Variants in SHROOM2 observed in about 807,000 individuals in gnomAD.
SHROOM2 encodes protein Shroom2.
Under a neutral mutation model 75.9 loss-of-function variants are expected in SHROOM2, and 33 were observed. The observed-to-expected ratio is 0.43, with a 90% CI of 0.33 to 0.58. The LOEUF (loss-of-function observed/expected upper bound fraction) is 0.58, where lower values mean the gene tolerates loss of function less well. SHROOM2 is among the 20% of genes least tolerant of loss of function. The pLI, the probability that SHROOM2 is intolerant of heterozygous loss-of-function variation, is 0.04. For missense variants in SHROOM2, 1,434 were observed against 1,461.2 expected (o/e 0.98, Z 0.30); for synonymous variants, 655 against 663.6 (o/e 0.99, Z 0.20).
intron 1 of SHROOM2, among the ~76,000 whole-genome samples, chrX:9,821,703 A>G (rs2083853928): frequency 8.9e-6 from 1 of 112,161 alleles, no homozygotes. Flanking sequence ...ATCCATTGGT[A>G]TCAAATATCT....
intron 4 of SHROOM2, among the ~76,000 whole-genome samples, chrX:9,897,680 C>CAAAAAAAAAAAAAAAAAAAAAAA (rs56026461): frequency 9.9e-5 from 7 of 70,574 alleles, no homozygotes; most frequent in African/African-American, 4.2e-4. Flanking sequence ...GACCCTGTCT[C>CAAAAAAAAAAAAAAAAAAAAAAA]AAAAAAAAAA....
At chrX:9,792,866 CG>C (rs1472018791) in intron 1 of SHROOM2, among the ~76,000 whole-genome samples, 1 of 109,992 alleles carries the variant, frequency 9.1e-6, no homozygotes, top group East Asian at 2.9e-4. Context: ...CACACCACCA[CG>C]CCCTGCTAAT....
rs1361487061 is a variant in SHROOM2, at chrX:9,932,391, C to T, written c.3108C>T (p.Ser1036=). The T allele has an allele frequency of 8.3e-7, 1 of 1,208,497 alleles. No individual in the cohort carries two copies. Among genetic ancestry groups the T allele is most frequent in the Admixed American group, 2.2e-5 (1 of 45,731 alleles). Residue 1036 remains serine, a synonymous_variant, in exon 6 of 10, where the codon AGC becomes AGT. Coordinates refer to ENST00000380913, the MANE Select transcript of SHROOM2 (RefSeq NM_001649.4). ...CAGACTTGGGACCCCGAGCCCAGAG[C>T]CCTGGCTCACCCCTGCATGCTCGAG... The part of the protein sequence containing the change: ...TPADLGPRAQ[S]PGSPLHARGQ...
intron 1 of SHROOM2, among the ~76,000 whole-genome samples, chrX:9,846,486 G>A (rs755300926): frequency 1.2e-4 from 13 of 111,055 alleles, no homozygotes; most frequent in Non-Finnish European, 1.3e-4. Flanking sequence ...TAGTAGAGAC[G>A]GCGTTTCACC....
In SHROOM2 at chrX:9,895,535, G is replaced by T; in HGVS notation, c.1627G>T (p.Glu543Ter). 8.4e-7 allele frequency: 1 copy of T among 1,190,924 alleles called. No homozygotes were observed. Among genetic ancestry groups the T allele is most frequent in the South Asian group, 1.8e-5 (1 of 54,525 alleles). The change falls in exon 4 of 10, where the codon GAG becomes TAG. Residue 543 changes from glutamate to a stop codon, truncating the protein, a stop_gained. Transcript: ENST00000380913. LOFTEE classifies it high-confidence loss of function. ...GTGTTACCCGCTGGACAAAGGGGCC[G>T]AGGGCTGCTCCGCGGGAGCCCAGGA... Reference protein sequence around the residue: ...GRCYPLDKGAEGCSAGAQEPP... With the variant: ...GRCYPLDKGA
intron 1 of SHROOM2, among the ~76,000 whole-genome samples, chrX:9,872,748 A>G (rs187124609): frequency 1.1e-3 from 121 of 111,775 alleles, no homozygotes; most frequent in Non-Finnish European, 1.7e-3. Flanking sequence ...TAGCAAGGAT[A>G]TGGAGAAATT....
chrX:9,910,709 C>T (rs749777910), intron 5 of SHROOM2, among the ~76,000 whole-genome samples: 43 of 109,499 alleles, frequency 3.9e-4, no homozygotes, highest in South Asian at 2.0e-3. Context: ...CTCAGCTACT[C>T]GGGAGGCTGA....
chrX:9,855,321 A>AAAAG (rs57702482), intron 1 of SHROOM2, among the ~76,000 whole-genome samples: 6 of 105,452 alleles, frequency 5.7e-5, no homozygotes, highest in Non-Finnish European at 9.8e-5. Context: ...AAAAAAAAAA[A>AAAAG]GGCATCCTAT....
At chrX:9,826,305 C>T (rs2083887338) in intron 1 of SHROOM2, among the ~76,000 whole-genome samples, 1 of 112,466 alleles carries the variant, frequency 8.9e-6, no homozygotes, top group Non-Finnish European at 1.9e-5. Flanking sequence ...CGCCTCACTG[C>T]TGGGCTCGGA....
intron 5 of SHROOM2, among the ~76,000 whole-genome samples, chrX:9,915,361 A>C (rs2084480944): frequency 9.0e-6 from 1 of 111,024 alleles, no homozygotes; most frequent in Non-Finnish European, 1.9e-5. Flanking sequence ...TATATGAGAC[A>C]CACGCACAGG....
chrX:9,866,294 C>T (rs1032446152), intron 1 of SHROOM2, among the ~76,000 whole-genome samples: 1 of 109,252 alleles, frequency 9.2e-6, no homozygotes, highest in African/African-American at 3.3e-5. Flanking sequence ...ATTAAGCAGA[C>T]TGAGAGGTGA....
At chrX:9,847,447 A>T (rs993062783) in intron 1 of SHROOM2, among the ~76,000 whole-genome samples, 1 of 112,292 alleles carries the variant, frequency 8.9e-6, no homozygotes, top group African/African-American at 3.2e-5. Context: ...ATGGCTGGAA[A>T]ATGTCAACAT....
At position 9,890,964 on chromosome X, in the gene SHROOM2, C is replaced by A; in HGVS notation, c.318-13C>A. ...AGTCCCTGACCCCCCGCCTCCCCTG[C>A]GTTCTTTTCTAGGAGGAGCGAGCTG... On this transcript the variant is annotated splice_polypyrimidine_tract_variant and intron_variant, in intron 2 of 9. Transcript: ENST00000380913. 8.4e-7 allele frequency: 1 copy of A among 1,196,518 alleles called. No homozygotes were observed. The highest frequency in any genetic ancestry group is 1.8e-5 in the South Asian group (1 of 54,104).
At position 9,895,496 on chromosome X, in the gene SHROOM2, C is replaced by T. The variant is rs768453469; in HGVS notation, c.1588C>T (p.Arg530Cys). The T allele has an allele frequency of 5.8e-6, 7 of 1,206,095 alleles. No homozygotes were observed. The highest frequency in any genetic ancestry group is 3.0e-5 in the East Asian group (1 of 33,441). ...LPQPEGPPDARETGRCYPLDK... is the reference protein window; with the variant it reads ...LPQPEGPPDACETGRCYPLDK... ...TCAGCCTGAGGGTCCTCCGGATGCC[C>T]GCGAGACAGGACGGTGTTACCCGCT... The change falls in exon 4 of 10, where the codon CGC becomes TGC. Residue 530 changes from arginine to cysteine, a missense_variant. Arg to Cys is a radical substitution (Grantham distance 180, BLOSUM62 -3). Transcript: ENST00000380913.
At position 9,896,322 on chromosome X, in the gene SHROOM2, G is replaced by C; in HGVS notation, c.2414G>C (p.Ser805Thr). Residue 805 changes from serine to threonine, a missense_variant, in exon 4 of 10, where the codon AGC (serine) becomes ACC (threonine). Ser to Thr is a moderately conservative substitution (Grantham distance 58). Transcript: ENST00000380913. ...ADRWKFFEET[S>T]KPVPQRPAQK... is the part of the protein sequence containing the mutation. Reference sequence around the variant, plus strand: ...AGGTGGAAGTTTTTTGAGGAAACGAGCAAACCTGTTCCCCAGAGGCCTGCC... The same window carrying C: ...AGGTGGAAGTTTTTTGAGGAAACGACCAAACCTGTTCCCCAGAGGCCTGCC... 2 of 1,212,128 alleles carry C rather than the reference G, an allele frequency of 1.6e-6. No homozygotes were observed. Among genetic ancestry groups the C allele is most frequent in the Non-Finnish European group, 2.2e-6 (2 of 895,546 alleles).
intron 1 of SHROOM2, among the ~76,000 whole-genome samples, chrX:9,844,602 C>T (rs1199719965): frequency 6.3e-5 from 7 of 111,193 alleles, no homozygotes; most frequent in Admixed American, 9.6e-5. Flanking sequence ...CACCTGAGGT[C>T]AGGAGTTCGA....
chrX:9,816,242 G>GT (rs1410941561), intron 1 of SHROOM2, among the ~76,000 whole-genome samples: 4 of 112,368 alleles, frequency 3.6e-5, no homozygotes, highest in Non-Finnish European at 3.8e-5. Context: ...GTGTGGACAA[G>GT]TTTTCAATTC....
intron 1 of SHROOM2, among the ~76,000 whole-genome samples, chrX:9,842,108 T>G (rs2083982291): frequency 9.0e-6 from 1 of 111,348 alleles, no homozygotes; most frequent in Non-Finnish European, 1.9e-5. Context: ...TTGTATACTG[T>G]CTGCATGCTA....
At chrX:9,787,056 G>T (rs962270946) in intron 1 of SHROOM2, among the ~76,000 whole-genome samples, 6 of 111,747 alleles carry the variant, frequency 5.4e-5, no homozygotes, top group Non-Finnish European at 1.1e-4. Flanking sequence ...ACGTGTCCCC[G>T]AGCCGTCCCC....
Sources: gnomAD v4.1 joint callset for allele counts (sites outside exome capture counted in the v4.1 genomes callset) on GRCh38, gnomAD v4.1.1 for gene constraint, MANE v1.5 for transcripts, NCBI Gene and HGNC (gene_info 2026-07-23, HGNC 2026-07-21) for gene names.